SLC6A20: variants seen among roughly 807,000 people sequenced by gnomAD.
SLC6A20 encodes solute carrier family 6 member 20.
SLC6A20 carries 73 observed loss-of-function variants against 64.3 expected under a neutral mutation model. The observed-to-expected ratio is 1.14, with a 90% confidence interval of 0.94 to 1.38. SLC6A20 has a LOEUF of 1.38. Ranked by LOEUF, SLC6A20 falls within the 40% of genes most tolerant of loss-of-function variation. The probability of loss-of-function intolerance (pLI) is 0.00; values close to 1 mark genes in which losing one functional copy is unlikely to be tolerated. For missense variants in SLC6A20, 725 were observed against 772.8 expected, an observed-to-expected ratio of 0.94 and a Z score of 0.73; for synonymous variants, 347 against 329.6, an observed-to-expected ratio of 1.05 and a Z score of -0.57.
At chr3:45,786,629 T>C (rs1489912792) in intron 1 of SLC6A20, among the ~76,000 whole-genome samples, 1 of 152,242 alleles carries the variant, frequency 6.6e-6, no homozygotes, top group Non-Finnish European at 1.5e-5. Context: ...TTAGAAATAA[T>C]TATCTTCTTG....
rs1277452506 is a variant in SLC6A20, at chr3:45,771,320, T to C, written c.832A>G (p.Ile278Val). 6.2e-7 allele frequency: 1 copy of C among 1,614,242 alleles called. No individual in the cohort carries two copies. Reference sequence around the variant, plus strand: ...GTGAAGCTGTTGATGAGGGACACGATGATGGCGTGCTTCTGGCAGTTGTTG... The same window carrying C: ...GTGAAGCTGTTGATGAGGGACACGACGATGGCGTGCTTCTGGCAGTTGTTG... ...PSNNCQKHAI[I>V]VSLINSFTSI... Residue 278 changes from isoleucine (I) to valine (V), a missense_variant, in exon 6 of 11, where the codon ATC (isoleucine) becomes GTC (valine). Coordinates refer to ENST00000358525, the MANE Select transcript of SLC6A20 (RefSeq NM_020208.4).
intron 9 of SLC6A20, among the ~76,000 whole-genome samples, chr3:45,762,471 G>A (rs115145283): frequency 5.3e-5 from 8 of 152,316 alleles, no homozygotes; most frequent in African/African-American, 9.6e-5. Flanking sequence ...TTCCAGTCCC[G>A]TGCTGTGCAC....
Position 45,765,412 on chromosome 3 carries a change from G to T in SLC6A20, c.1303+125C>A. 1 of 967,302 alleles carries T rather than the reference G, an allele frequency of 1.0e-6. No individual in the cohort carries two copies. Among genetic ancestry groups the T allele is most frequent in the Non-Finnish European group, 1.5e-6 (1 of 648,418 alleles). 59.9% of individuals were successfully genotyped at this position (967,302 alleles called of 1,614,324 possible). On this transcript the variant is annotated intron_variant, in intron 8 of 10. Transcript: ENST00000358525. This position sits in a 1 kb window ranked among gnomAD's most constrained non-coding sequence, Gnocchi z 4.2. Reference sequence around the variant, plus strand: ...TGAGAAGACATGGCAGGACCGTGGTGAGGTGGCTGCAACCCCCTGTAGCCA... The same window carrying T: ...TGAGAAGACATGGCAGGACCGTGGTTAGGTGGCTGCAACCCCCTGTAGCCA...
Position 45,796,302 on chromosome 3 carries a change from C to T in SLC6A20, c.118G>A (p.Gly40Arg), listed in dbSNP as rs755963669. ...CCGGGGCGCGGTGGGCACTCACCTC[C>T]GCCGTACATCTGGCACAGGTACGGG... Reference protein sequence around the residue: ...RFPYLCQMYGGGSFLVPYIIM... With the variant: ...RFPYLCQMYGRGSFLVPYIIM... The change falls in exon 1 of 11, where the codon GGA becomes AGA. Residue 40 changes from glycine (G) to arginine (R), a missense_variant. Gly to Arg is a moderately radical substitution (Grantham distance 125). Transcript: ENST00000358525. 2 of 1,606,140 alleles carry T rather than the reference C, an allele frequency of 1.2e-6. No individual in the cohort carries two copies. The highest frequency in any genetic ancestry group is 2.3e-5 in the East Asian group (1 of 44,394).
At chr3:45,762,883 T>C in intron 9 of SLC6A20, 30 bp downstream of exon 9, 2 of 1,611,464 alleles carry the variant, frequency 1.2e-6, no homozygotes, top group Non-Finnish European at 1.7e-6. Context: ...GTGTTTTCCC[T>C]ATGCAAATGA....
intron 2 of SLC6A20, 41 bp from the exon 3 acceptor site, chr3:45,780,141 C>T (rs767899859): frequency 1.9e-6 from 3 of 1,542,618 alleles, no homozygotes; most frequent in East Asian, 2.4e-5. Flanking sequence ...CTGAGGATGG[C>T]CCTTCCCCCT....
At chr3:45,791,228 GA>G (rs1331448393) in intron 1 of SLC6A20, among the ~76,000 whole-genome samples, 11 of 152,298 alleles carry the variant, frequency 7.2e-5, no homozygotes, top group Non-Finnish European at 1.5e-4. Flanking sequence ...AATATTTACT[GA>G]ATGACTTAAA....
chr3:45,756,415 G>C lies in SLC6A20; in HGVS notation c.*2563C>G, dbSNP rs1232470917. ...TTGACATAAAAGAACCTTCTGATAA[G>C]AAGATTGAATCCACGGGGTAGATAA... is the stretch of plus-strand genomic sequence containing the variant. On this transcript the variant is annotated 3_prime_UTR_variant, in exon 11 of 11. Coordinates refer to ENST00000358525, the MANE Select transcript of SLC6A20 (RefSeq NM_020208.4). 1 of 151,524 alleles carries C rather than the reference G, an allele frequency of 6.6e-6. No individual in the cohort carries two copies. The highest frequency in any genetic ancestry group is 1.5e-5 in the Non-Finnish European group (1 of 68,042). 9.4% of individuals were successfully genotyped at this position (151,524 alleles called of 1,614,324 possible).
At position 45,784,249 on chromosome 3, in the gene SLC6A20, G is replaced by T. The variant is rs187551409; in HGVS notation, c.122-2026C>A. On this transcript the variant is annotated intron_variant, in intron 1 of 10. Transcript: ENST00000358525. The stretch of plus-strand genomic sequence containing the variant: ...ATAAACACATAATCTGGGTGAATTT[G>T]CTCTGCAATAAATTTTTCAAGAAAT... Among the ~76,000 whole-genome samples the T allele has an allele frequency of 3.1e-3, 476 of 152,246 alleles. 1 individual carries two copies. Among genetic ancestry groups the T allele is most frequent in the African/African-American group, 0.01 (436 of 41,536 alleles).
At chr3:45,777,271 C>G (rs777041060) in intron 3 of SLC6A20, among the ~76,000 whole-genome samples, 32 of 152,276 alleles carry the variant, frequency 2.1e-4, no homozygotes, top group African/African-American at 7.7e-4. Context: ...GTCTGCACAC[C>G]CAGACAGTGC....
intron 7 of SLC6A20, among the ~76,000 whole-genome samples, chr3:45,769,911 T>C (rs541288227): frequency 6.6e-6 from 1 of 152,264 alleles, no homozygotes; most frequent in Admixed American, 6.5e-5. Flanking sequence ...TTCTGAGTGG[T>C]ATATATGGGT....
rs1234961795 is a variant in SLC6A20 at position 45,759,024 on chromosome 3, A to G, written c.1733T>C (p.Phe578Ser). 7.4e-6 allele frequency: 12 copies of G among 1,613,234 alleles called. No homozygotes were observed. The highest frequency in any genetic ancestry group is 1.3e-5 in the African/African-American group (1 of 75,040). ...MCIPLAALGT[F>S]VQRRLKRGDA... is the part of the protein sequence containing the mutation. ...TCCCCTCTTGAGGCGACGCTGAACAAAAGTCCCCAGGGCCGCCAGGGGGAT... is the reference window on the plus strand; with the variant it reads ...TCCCCTCTTGAGGCGACGCTGAACAGAAGTCCCCAGGGCCGCCAGGGGGAT... Residue 578 changes from phenylalanine (F) to serine (S), a missense_variant, in exon 11 of 11, where the codon TTT becomes TCT. Transcript: ENST00000358525.
intron 8 of SLC6A20, among the ~76,000 whole-genome samples, chr3:45,763,888 G>A (rs1464679594): frequency 3.3e-5 from 5 of 152,118 alleles, no homozygotes; most frequent in Non-Finnish European, 5.9e-5. Flanking sequence ...CTATCCCGAC[G>A]GGGACACACA....
intron 5 of SLC6A20, 106 bp from the exon 6 acceptor site, chr3:45,771,564 C>T: frequency 6.5e-7 from 1 of 1,541,678 alleles, no homozygotes. Flanking sequence ...TCACCTACAG[C>T]ACGCAGCCAT....
intron 8 of SLC6A20, 143 bp from the exon 9 acceptor site, chr3:45,763,215 G>T: frequency 1.6e-6 from 2 of 1,265,824 alleles, no homozygotes; most frequent in South Asian, 1.4e-5. Context: ...AGCTGTCATG[G>T]TTTGGACTCT....
Position 45,767,892 on chromosome 3 carries a change from T to C in SLC6A20, c.1099-2151A>G, listed in dbSNP as rs77965009. Reference sequence around the variant, plus strand: ...CTTCAAAGTGTTGAGAGAAAATAATTGTTAACCTGGAATTTTCTACTCCGA... The same window carrying C: ...CTTCAAAGTGTTGAGAGAAAATAATCGTTAACCTGGAATTTTCTACTCCGA... On this transcript the variant is annotated intron_variant, in intron 7 of 10. Coordinates refer to ENST00000358525, the MANE Select transcript of SLC6A20 (RefSeq NM_020208.4). Among the ~76,000 whole-genome samples the C allele has an allele frequency of 3.0e-3, 450 of 152,326 alleles. 6 individuals carry two copies. The highest frequency in any genetic ancestry group is 0.01 in the African/African-American group (431 of 41,582).
chr3:45,770,110 T>G, intron 7 of SLC6A20, 99 bp downstream of exon 7: 5 of 1,494,244 alleles, frequency 3.3e-6, no homozygotes, highest in Admixed American at 3.9e-5. Flanking sequence ...TCCTTCTTTA[T>G]TTTTACAGAC....
intron 4 of SLC6A20, among the ~76,000 whole-genome samples, chr3:45,773,968 C>G (rs1699921909): frequency 6.6e-6 from 1 of 152,228 alleles, no homozygotes; most frequent in African/African-American, 2.4e-5. Context: ...TAGGGCCAGC[C>G]CCGAGAATTT....
intron 5 of SLC6A20, 144 bp from the exon 6 acceptor site, chr3:45,771,602 G>T: frequency 1.5e-6 from 2 of 1,309,944 alleles, no homozygotes; most frequent in Non-Finnish European, 2.1e-6. Flanking sequence ...CTGGAGACCA[G>T]CTCTCCTGGC....
Sources: allele counts gnomAD v4.1 joint callset (sites outside exome capture counted in the v4.1 genomes callset), GRCh38; gene constraint gnomAD v4.1.1; non-coding constraint Gnocchi (gnomAD v3.1); transcripts MANE v1.5; gene names NCBI Gene and HGNC (gene_info 2026-07-23, HGNC 2026-07-21).